Variants in NSMAF observed in about 807,000 individuals in gnomAD.
NSMAF encodes the protein neutral sphingomyelinase activation associated factor.
NSMAF carries 90 observed loss-of-function variants against 134.9 expected under a neutral mutation model. That is an observed-to-expected ratio of 0.67 (90% CI 0.56 to 0.79). NSMAF has a LOEUF of 0.79. Among genes scored for constraint, NSMAF ranks in the 30% least tolerant of loss-of-function variants. The pLI is 0.00. For missense variants in NSMAF, 1,010 were observed against 1,119.0 expected (o/e 0.90, Z 1.39); for synonymous variants, 358 against 389.6 (o/e 0.92, Z 0.96).
chr8:58,596,297 G>A (rs1418352112), intron 21 of NSMAF, among the ~76,000 whole-genome samples: 1 of 152,174 alleles, frequency 6.6e-6, no homozygotes, highest in African/African-American at 2.4e-5. Context: ...CTCCATGCTT[G>A]AGAGAATGCT....
At chr8:58,639,416 A>G (rs1807279236) in intron 2 of NSMAF, among the ~76,000 whole-genome samples, 1 of 152,212 alleles carries the variant, frequency 6.6e-6, no homozygotes, top group Non-Finnish European at 1.5e-5. Context: ...ATTGCTTCAC[A>G]CCTGTTAGGA....
Position 58,659,603 on chromosome 8 carries a change from T to G in NSMAF, c.29A>C (p.Glu10Ala). Residue 10 changes from glutamate (E) to alanine (A), a missense_variant, in exon 1 of 31, where the codon GAG (glutamate) becomes GCG (alanine). Coordinates refer to ENST00000038176, the MANE Select transcript of NSMAF (RefSeq NM_003580.4). ...CTTGGAGTAGAGCTGCAGCTGCTGC[T>G]CCTGCTGCTTCTTCCGGATAAACGC... MAFIRKKQQ[E>A]QQLQLYSKER... 2 of 1,494,852 alleles carry G rather than the reference T, an allele frequency of 1.3e-6. No homozygotes were observed. The highest frequency in any genetic ancestry group is 1.3e-5 in the South Asian group (1 of 76,780). 92.6% of individuals were successfully genotyped at this position (1,494,852 alleles called of 1,614,324 possible).
chr8:58,608,466 T>C (rs947932102), intron 10 of NSMAF, among the ~76,000 whole-genome samples: 1 of 151,856 alleles, frequency 6.6e-6, no homozygotes, highest in Non-Finnish European at 1.5e-5. Context: ...TCCTCCCAAG[T>C]AGGAGGGAAG....
chr8:58,617,653 A>G lies in NSMAF; in HGVS notation c.557+5567T>C, dbSNP rs550329975. 2.6e-5 allele frequency among the ~76,000 whole-genome samples: 4 copies of G among 152,286 alleles called. No individual in the cohort carries two copies. In the South Asian group the frequency reaches 8.3e-4, roughly 32 times the overall value. ...TTAGAATGGCAATCATTAAAAAGTCAGGAAACAACAGATACTGGAGAGGAT... is the reference window on the plus strand; with the variant it reads ...TTAGAATGGCAATCATTAAAAAGTCGGGAAACAACAGATACTGGAGAGGAT... On this transcript the variant is annotated intron_variant, in intron 9 of 30. Transcript: ENST00000038176.
intron 1 of NSMAF, among the ~76,000 whole-genome samples, chr8:58,651,244 C>T (rs1476405339): frequency 1.3e-5 from 2 of 152,206 alleles, no homozygotes; most frequent in Non-Finnish European, 2.9e-5. Flanking sequence ...TACACATTTG[C>T]AGAGAGACAT....
At chr8:58,593,076 G>C (rs1806054945) in intron 23 of NSMAF, among the ~76,000 whole-genome samples, 1 of 152,174 alleles carries the variant, frequency 6.6e-6, no homozygotes, top group African/African-American at 2.4e-5. Flanking sequence ...AGCCATCCCA[G>C]ACAAATCCTG....
intron 5 of NSMAF, among the ~76,000 whole-genome samples, chr8:58,634,194 T>C (rs1347003940): frequency 6.6e-6 from 1 of 152,216 alleles, no homozygotes; most frequent in Non-Finnish European, 1.5e-5. Flanking sequence ...CAACATGAAG[T>C]TGAGGAAGCC....
At chr8:58,588,455 C>T (rs1360916776) in intron 26 of NSMAF, 2 of 1,243,442 alleles carry the variant, frequency 1.6e-6, no homozygotes, top group Non-Finnish European at 2.3e-6. Context: ...GCAGCACCCG[C>T]AGGTCTAAAT....
Position 58,601,909 on chromosome 8 carries a change from T to C in NSMAF, c.1125+149A>G, listed in dbSNP as rs1468010549. ...GAAATGCAAATGGTGAGCAGCTAAT[T>C]CACGGTCAGGAGAAAAGTAAGAAAA... On this transcript the variant is annotated intron_variant, in intron 14 of 30. Transcript: ENST00000038176. 191 of 624,496 alleles carry C rather than the reference T, an allele frequency of 3.1e-4. 1 individual carries two copies. The allele number at this position is 624,496 out of a possible 1,614,324, so 38.7% of individuals were successfully genotyped here.
chr8:58,612,862 C>T (rs189004107), intron 9 of NSMAF, among the ~76,000 whole-genome samples: 5 of 152,230 alleles, frequency 3.3e-5, no homozygotes, highest in Non-Finnish European at 5.9e-5. Flanking sequence ...ACAAGAAAAC[C>T]ACATCGTATA....
intron 27 of NSMAF, 51 bp downstream of exon 27, chr8:58,587,567 C>A (rs1341523516): frequency 1.3e-6 from 2 of 1,510,252 alleles, no homozygotes; most frequent in Middle Eastern, 1.7e-4. Flanking sequence ...TCCAGCCGAA[C>A]CCCTAGACTT....
At position 58,644,974 on chromosome 8, in the gene NSMAF, G is replaced by T. The variant is rs187132139; in HGVS notation, c.60-1901C>A. On this transcript the variant is annotated intron_variant, in intron 1 of 30. Coordinates refer to ENST00000038176, the MANE Select transcript of NSMAF (RefSeq NM_003580.4). Reference sequence around the variant, plus strand: ...CGGGGACCTGTTGGCGGGGTGGGGAGCTAGAGGAGGGATAGCATTAGGAGA... The same window carrying T: ...CGGGGACCTGTTGGCGGGGTGGGGATCTAGAGGAGGGATAGCATTAGGAGA... Among the ~76,000 whole-genome samples the T allele has an allele frequency of 1.2e-4, 18 of 152,188 alleles. No individual in the cohort carries two copies. The East Asian group carries it at 3.5e-3, about 29-fold the overall frequency.
chr8:58,584,004 C>T lies in NSMAF; in HGVS notation c.*102G>A, dbSNP rs558362364. On this transcript the variant is annotated 3_prime_UTR_variant, in exon 31 of 31. Coordinates refer to ENST00000038176, the MANE Select transcript of NSMAF (RefSeq NM_003580.4). Reference sequence around the variant, plus strand: ...ACCACAAATTTTCCATGTGGTAAAACTTCTAATTACTAACATTGCACATTC... The same window carrying T: ...ACCACAAATTTTCCATGTGGTAAAATTTCTAATTACTAACATTGCACATTC... 2.4e-5 allele frequency: 22 copies of T among 928,874 alleles called. No homozygotes were observed. Among genetic ancestry groups the T allele is most frequent in the East Asian group, 2.5e-5 (1 of 39,572 alleles). The allele number at this position is 928,874 out of a possible 1,614,324, so 57.5% of individuals were successfully genotyped here.
chr8:58,603,068 C>A, intron 13 of NSMAF, 142 bp downstream of exon 13: 1 of 793,890 alleles, frequency 1.3e-6, no homozygotes. Flanking sequence ...ATTGGCAGTC[C>A]TTAGCAATAC....
chr8:58,627,912 G>A (rs1166019860), intron 6 of NSMAF, among the ~76,000 whole-genome samples: 1 of 152,088 alleles, frequency 6.6e-6, no homozygotes, highest in East Asian at 1.9e-4. Flanking sequence ...CACCAAAAAA[G>A]AGCCCAAATA....
At chr8:58,652,848 G>C (rs1807617128) in intron 1 of NSMAF, among the ~76,000 whole-genome samples, 1 of 152,110 alleles carries the variant, frequency 6.6e-6, no homozygotes, top group African/African-American at 2.4e-5. Flanking sequence ...CAAAAACAGA[G>C]GTGGTTTATC....
At chr8:58,592,311 C>CA (rs1475964135) in intron 23 of NSMAF, among the ~76,000 whole-genome samples, 7 of 150,762 alleles carry the variant, frequency 4.6e-5, no homozygotes, top group African/African-American at 1.5e-4. Context: ...GTCAGGGAAC[C>CA]AAAAAAATGG....
chr8:58,659,792 C>G lies in NSMAF; in HGVS notation c.-161G>C, dbSNP rs1289246027. On this transcript the variant is annotated 5_prime_UTR_variant, in exon 1 of 31. Transcript: ENST00000038176. Reference sequence around the variant, plus strand: ...CGGCGCCGCTGGGCGGCCGAGAGCCCGACGCGGCGTCCCGGCCGCGCTCAC... The same window carrying G: ...CGGCGCCGCTGGGCGGCCGAGAGCCGGACGCGGCGTCCCGGCCGCGCTCAC... The G allele has an allele frequency of 7.8e-6, 3 of 382,482 alleles. No homozygotes were observed. Among genetic ancestry groups the G allele is most frequent in the Admixed American group, 5.0e-5 (1 of 19,990 alleles). The allele number at this position is 382,482 out of a possible 1,614,324, so 23.7% of individuals were successfully genotyped here.
chr8:58,654,634 T>C (rs1386696746), intron 1 of NSMAF, among the ~76,000 whole-genome samples: 2 of 152,180 alleles, frequency 1.3e-5, no homozygotes, highest in African/African-American at 2.4e-5. Context: ...AAAGTTGAAA[T>C]CTCAAAGTGC....
Sources: gnomAD v4.1 joint callset for allele counts (sites outside exome capture counted in the v4.1 genomes callset) on GRCh38, gnomAD v4.1.1 for gene constraint, MANE v1.5 for transcripts, NCBI Gene and HGNC (gene_info 2026-07-23, HGNC 2026-07-21) for gene names.